GLRX3: variants seen among roughly 807,000 people sequenced by gnomAD.
GLRX3 encodes glutaredoxin 3.
A neutral mutation model predicts 49.5 loss-of-function variants in GLRX3; 22 were observed. The ratio of observed to expected loss-of-function variants is 0.44; its 90% CI spans 0.32 to 0.63. The LOEUF (loss-of-function observed/expected upper bound fraction) is 0.63, where lower values mean the gene tolerates loss of function less well. Among genes scored for constraint, GLRX3 ranks in the 30% least tolerant of loss-of-function variants. The probability of loss-of-function intolerance (pLI) is 0.05; values close to 1 mark genes in which losing one functional copy is unlikely to be tolerated. For missense variants in GLRX3, 385 were observed against 396.3 expected (o/e 0.97, Z 0.24); for synonymous variants, 133 against 140.0 (o/e 0.95, Z 0.35).
intron 2 of GLRX3, among the ~76,000 whole-genome samples, chr10:130,149,456 A>G (rs992867448): frequency 6.6e-6 from 1 of 151,438 alleles, no homozygotes; most frequent in African/African-American, 2.4e-5. Flanking sequence ...AAAAAAAACA[A>G]AACAGGAAAA....
At chr10:130,179,726 A>G (rs199715852), downstream of GLRX3, 6 of 256,618 alleles carry the variant, frequency 2.3e-5, no homozygotes, top group East Asian at 6.9e-4. Context: ...TAAGAAAGGC[A>G]GTCTTCAGAA....
chr10:130,140,313 C>T (rs1272932841), intron 1 of GLRX3, among the ~76,000 whole-genome samples: 1 of 152,148 alleles, frequency 6.6e-6, no homozygotes, highest in Non-Finnish European at 1.5e-5. Flanking sequence ...TGGTTTTTCT[C>T]CAACAATGCT....
chr10:130,170,968 A>C (rs1416331764), intron 7 of GLRX3, among the ~76,000 whole-genome samples: 1 of 152,084 alleles, frequency 6.6e-6, no homozygotes, highest in African/African-American at 2.4e-5. Flanking sequence ...CTTTACTAAA[A>C]ATACAAAAAG....
At chr10:130,166,081 G>C (rs995550986) in intron 4 of GLRX3, among the ~76,000 whole-genome samples, 2 of 152,216 alleles carry the variant, frequency 1.3e-5, no homozygotes, top group South Asian at 2.1e-4. Flanking sequence ...TCCAGCCTCA[G>C]ACTTCTGGGC....
chr10:130,148,718 A>G (rs11819386), intron 2 of GLRX3, among the ~76,000 whole-genome samples: 40,510 of 151,828 alleles, frequency 0.27, 5,420 homozygotes, highest in South Asian at 0.34. Flanking sequence ...CAAGGTTTTC[A>G]TATTTATTGC....
chr10:130,172,760 G>A (rs1333498184), intron 8 of GLRX3, among the ~76,000 whole-genome samples: 2 of 152,118 alleles, frequency 1.3e-5, no homozygotes, highest in African/African-American at 4.8e-5. Flanking sequence ...TGGCGAACAT[G>A]GTGAAACCCC....
At chr10:130,137,245 A>G (rs34520922) in intron 1 of GLRX3, among the ~76,000 whole-genome samples, 14,384 of 152,224 alleles carry the variant, frequency 0.094, 858 homozygotes, top group Non-Finnish European at 0.13. Context: ...TGGGAAGACT[A>G]CAAAAGGAGA....
chr10:130,169,053 G>C (rs1862751645), intron 6 of GLRX3, among the ~76,000 whole-genome samples: 1 of 152,150 alleles, frequency 6.6e-6, no homozygotes, highest in Non-Finnish European at 1.5e-5. Flanking sequence ...GTGTACAGTG[G>C]TATGCAGCAT....
rs150329694 is a variant in GLRX3, at chr10:130,166,619, G to T, written c.591G>T (p.Trp197Cys). Reference protein sequence around the residue: ...VRQGLKAYSSWPTYPQLYVSG... With the variant: ...VRQGLKAYSSCPTYPQLYVSG... ...AGGGACTCAAAGCCTATTCCAGTTG[G>T]CCTACCTATCCTCAGCTCTATGTTT... Residue 197 changes from tryptophan (W) to cysteine (C), a missense_variant, in exon 5 of 11, where the codon TGG becomes TGT. Trp to Cys is a radical substitution (Grantham distance 215). Around this residue, in one of 2 missense-constraint regions of GLRX3, gnomAD observed 374 missense variants for 358.6 expected, o/e 1.04. Coordinates refer to ENST00000331244, the MANE Select transcript of GLRX3 (RefSeq NM_006541.5). The T allele has an allele frequency of 2.5e-5, 40 of 1,611,176 alleles. No individual in the cohort carries two copies. The highest frequency in any genetic ancestry group is 3.3e-5 in the Non-Finnish European group (39 of 1,177,510).
intron 4 of GLRX3, among the ~76,000 whole-genome samples, chr10:130,161,755 G>A (rs76200857): frequency 0.019 from 2,886 of 152,236 alleles, 104 homozygotes; most frequent in African/African-American, 0.067. Flanking sequence ...TGATGCTGTT[G>A]AGACTCTAAG....
chr10:130,160,177 G>C (rs989001597), intron 3 of GLRX3, 108 bp downstream of exon 3: 7 of 691,048 alleles, frequency 1.0e-5, no homozygotes, highest in Admixed American at 8.9e-5. Flanking sequence ...GTGTTTGGCT[G>C]TTTCTGGCCC....
chr10:130,157,326 TCCAGGAGGGAGGGATGGG>T (rs1862489021), intron 2 of GLRX3, among the ~76,000 whole-genome samples: 1 of 118,088 alleles, frequency 8.5e-6, no homozygotes, highest in African/African-American at 3.3e-5. Flanking sequence ...ATATCTCGGC[TCCAGGAGGGAGGGATGGG>T]GCAGGAGGGG....
chr10:130,144,926 C>T (rs776584092), intron 1 of GLRX3, among the ~76,000 whole-genome samples: 3 of 152,230 alleles, frequency 2.0e-5, no homozygotes, highest in Non-Finnish European at 4.4e-5. Flanking sequence ...CTCCCACCAA[C>T]AGTGATTTAC....
At chr10:130,151,040 G>T (rs181906845) in intron 2 of GLRX3, among the ~76,000 whole-genome samples, 1 of 151,058 alleles carries the variant, frequency 6.6e-6, no homozygotes, top group African/African-American at 2.4e-5. Flanking sequence ...GAATTCTCCT[G>T]CCTCAGCCTC....
At chr10:130,164,239 T>C (rs546226963) in intron 4 of GLRX3, among the ~76,000 whole-genome samples, 1 of 152,328 alleles carries the variant, frequency 6.6e-6, no homozygotes, top group African/African-American at 2.4e-5. Flanking sequence ...GTGCTCCTCA[T>C]GAAGATGGGA....
intron 10 of GLRX3, 150 bp from the exon 11 acceptor site, chr10:130,179,192 A>C (rs559683213): frequency 1.9e-6 from 1 of 515,688 alleles, no homozygotes; most frequent in East Asian, 3.6e-5. Flanking sequence ...TTTATGGCTC[A>C]TTTAGTTTGA....
intron 2 of GLRX3, among the ~76,000 whole-genome samples, chr10:130,150,039 C>T (rs1261012194): frequency 2.0e-5 from 3 of 150,758 alleles, no homozygotes; most frequent in Non-Finnish European, 4.4e-5. Flanking sequence ...GAGATTGAGA[C>T]CATCCTGGCT....
chr10:130,177,251 C>A (rs985362402), intron 10 of GLRX3, among the ~76,000 whole-genome samples: 2 of 152,180 alleles, frequency 1.3e-5, no homozygotes, highest in African/African-American at 2.4e-5. Context: ...CTCAGCTAAT[C>A]TAGTGTCCTG....
At chr10:130,147,155 A>C (rs1862285378) in intron 2 of GLRX3, among the ~76,000 whole-genome samples, 1 of 152,254 alleles carries the variant, frequency 6.6e-6, no homozygotes, top group African/African-American at 2.4e-5. Context: ...GTAACTGTAG[A>C]GTGTAACCCT....
Sources: allele counts gnomAD v4.1 joint callset (sites outside exome capture counted in the v4.1 genomes callset), GRCh38; gene constraint gnomAD v4.1.1; regional missense constraint gnomAD v4.1.1; transcripts MANE v1.5; gene names NCBI Gene and HGNC (gene_info 2026-07-23, HGNC 2026-07-21).